Variants in PPFIA2 observed in about 807,000 individuals in gnomAD.
PPFIA2 encodes the protein liprin-alpha-2.
Under a neutral mutation model 175.5 loss-of-function variants are expected in PPFIA2, and 46 were observed. The observed-to-expected ratio is 0.26, with a 90% CI of 0.21 to 0.34. PPFIA2 has a LOEUF of 0.34. Among genes scored for constraint, PPFIA2 ranks in the 10% least tolerant of loss-of-function variants. The probability of loss-of-function intolerance (pLI) is 1.00; values close to 1 mark genes in which losing one functional copy is unlikely to be tolerated. For synonymous variants in PPFIA2, 568 were observed against 511.4 expected (o/e 1.11, Z -1.49); for missense variants, 1,179 against 1,506.1 (o/e 0.78, Z 3.60).
chr12:81,404,033 T>C (rs1051226455), intron 8 of PPFIA2, among the ~76,000 whole-genome samples: 1 of 152,156 alleles, frequency 6.6e-6, no homozygotes, highest in Non-Finnish European at 1.5e-5. Context: ...CCACAGTCAA[T>C]TTCTTTCTTC....
chr12:81,660,307 T>G (rs938617213), intron 4 of PPFIA2, among the ~76,000 whole-genome samples: 1 of 152,082 alleles, frequency 6.6e-6, no homozygotes, highest in African/African-American at 2.4e-5. Context: ...GAAAAAAGAT[T>G]AGATGAATGG....
In PPFIA2 at chr12:81,744,230, A is replaced by G. The variant is rs994876917; in HGVS notation, c.249+9743T>C. ...TTCTGGCTGATAAAATGGATCTTAT[A>G]GTCTATAAAATATGCTCAGTGCATA... is the stretch of plus-strand genomic sequence containing the variant. On this transcript the variant is annotated intron_variant, in intron 3 of 32. Transcript: ENST00000549396. 5.3e-5 allele frequency among the ~76,000 whole-genome samples: 8 copies of G among 152,238 alleles called. No homozygotes were observed. The East Asian group carries it at 1.4e-3, about 26-fold the overall frequency.
chr12:81,507,875 T>A (rs1443476840), intron 4 of PPFIA2, among the ~76,000 whole-genome samples: 1 of 152,176 alleles, frequency 6.6e-6, no homozygotes, highest in African/African-American at 2.4e-5. Context: ...GACTGGTAGG[T>A]CTGGGCACTA....
intron 4 of PPFIA2, among the ~76,000 whole-genome samples, chr12:81,493,365 A>G (rs2059622591): frequency 6.6e-6 from 1 of 152,036 alleles, no homozygotes; most frequent in Non-Finnish European, 1.5e-5. Flanking sequence ...CAGTGTTCAG[A>G]TGCTGGGAAG....
At chr12:81,705,456 CAAAA>C (rs58602688) in intron 3 of PPFIA2, among the ~76,000 whole-genome samples, 3 of 55,714 alleles carry the variant, frequency 5.4e-5, no homozygotes, top group African/African-American at 1.0e-4. Context: ...GACTAGGTCT[CAAAA>C]AAAAAAAAAA....
intron 22 of PPFIA2, 102 bp downstream of exon 22, chr12:81,325,675 A>G: frequency 1.2e-6 from 1 of 827,748 alleles, no homozygotes; most frequent in Admixed American, 2.3e-5. Context: ...ATTGGCTTCA[A>G]TATAGTTCTT....
chr12:81,517,975 G>T (rs1439544190), intron 4 of PPFIA2, among the ~76,000 whole-genome samples: 1 of 151,564 alleles, frequency 6.6e-6, no homozygotes, highest in Non-Finnish European at 1.5e-5. Flanking sequence ...ACCATTAGGA[G>T]ATACACCTAA....
At chr12:81,491,821 C>G (rs1393359572) in intron 4 of PPFIA2, among the ~76,000 whole-genome samples, 2 of 152,000 alleles carry the variant, frequency 1.3e-5, no homozygotes, top group Admixed American at 1.3e-4. Context: ...ACCTATAGCC[C>G]TAAACCAAAA....
intron 4 of PPFIA2, among the ~76,000 whole-genome samples, chr12:81,573,587 C>T (rs761539815): frequency 5.3e-5 from 8 of 151,824 alleles, no homozygotes; most frequent in Non-Finnish European, 1.2e-4. Flanking sequence ...ATGTGAATCT[C>T]CACACTCAGA....
chr12:81,305,913 C>G (rs897511815), intron 22 of PPFIA2, among the ~76,000 whole-genome samples: 1 of 152,168 alleles, frequency 6.6e-6, no homozygotes, highest in African/African-American at 2.4e-5. Flanking sequence ...AACAGTATGT[C>G]TCCTCCTCAT....
At chr12:81,335,789 G>T (rs914830227) in intron 21 of PPFIA2, among the ~76,000 whole-genome samples, 1 of 151,620 alleles carries the variant, frequency 6.6e-6, no homozygotes, top group Non-Finnish European at 1.5e-5. Context: ...AAAAGACAAT[G>T]AACAAAAATA....
chr12:81,658,194 G>C (rs1025890300), intron 4 of PPFIA2, among the ~76,000 whole-genome samples: 1 of 151,410 alleles, frequency 6.6e-6, no homozygotes, highest in Admixed American at 6.6e-5. Context: ...CTTGAACCCA[G>C]GAGGCAGAGG....
intron 3 of PPFIA2, among the ~76,000 whole-genome samples, chr12:81,685,669 C>CAGA (rs2074335194): frequency 6.6e-6 from 1 of 151,904 alleles, no homozygotes; most frequent in African/African-American, 2.4e-5. Context: ...CATAAATCTG[C>CAGA]AGAACAACAT....
intron 4 of PPFIA2, among the ~76,000 whole-genome samples, chr12:81,511,090 T>C (rs1265024879): frequency 6.6e-6 from 1 of 152,058 alleles, no homozygotes; most frequent in Non-Finnish European, 1.5e-5. Context: ...GCAAGATACA[T>C]AACAAAAAAA....
chr12:81,664,935 G>A (rs2069820582), intron 4 of PPFIA2, among the ~76,000 whole-genome samples: 4 of 151,772 alleles, frequency 2.6e-5, no homozygotes, highest in Admixed American at 1.3e-4. Flanking sequence ...ACTATCACAA[G>A]GACAAAAAAC....
intron 22 of PPFIA2, chr12:81,302,818 T>A (rs2048198746): frequency 2.9e-6 from 1 of 347,040 alleles, no homozygotes; most frequent in Non-Finnish European, 5.9e-6. Context: ...ATAAAAGGCA[T>A]ATATCTAGGC....
At chr12:81,676,878 T>A in intron 3 of PPFIA2, 34 bp from the exon 4 acceptor site, 1 of 1,479,222 alleles carries the variant, frequency 6.8e-7, no homozygotes, top group Non-Finnish European at 9.2e-7. Context: ...TGTAAAGTGC[T>A]ACTCAACAGC....
At chr12:81,528,050 A>G (rs1188864780) in intron 4 of PPFIA2, among the ~76,000 whole-genome samples, 4 of 152,102 alleles carry the variant, frequency 2.6e-5, no homozygotes, top group African/African-American at 7.2e-5. Flanking sequence ...CACTCCTACT[A>G]GAATGTAAGT....
chr12:81,487,360 G>A (rs1022791501), intron 4 of PPFIA2, among the ~76,000 whole-genome samples: 1 of 151,826 alleles, frequency 6.6e-6, no homozygotes, highest in Non-Finnish European at 1.5e-5. Context: ...TTATTAATCT[G>A]TAAAACACGG....
Sources: allele counts gnomAD v4.1 joint callset (sites outside exome capture counted in the v4.1 genomes callset), GRCh38; gene constraint gnomAD v4.1.1; transcripts MANE v1.5; gene names NCBI Gene and HGNC (gene_info 2026-07-23, HGNC 2026-07-21).